Variants in SMARCA2 observed in about 807,000 individuals in gnomAD.
SMARCA2 encodes the protein SWI/SNF-related matrix-associated actin-dependent regulator of chromatin subfamily A member 2.
SMARCA2 carries 61 observed loss-of-function variants against 199.8 expected under a neutral mutation model. The observed-to-expected ratio is 0.31, with a 90% CI of 0.25 to 0.38. The LOEUF is 0.38. Ranked by LOEUF, SMARCA2 falls within the 10% of genes least tolerant of loss-of-function variation. SMARCA2 has a pLI of 1.00. For synonymous variants in SMARCA2, 935 were observed against 732.0 expected (o/e 1.28, Z -4.48); for missense variants, 1,344 against 2,012.2 (o/e 0.67, Z 6.35).
At chr9:2,029,633 G>C (rs1325638395) in intron 2 of SMARCA2, among the ~76,000 whole-genome samples, 1 of 152,094 alleles carries the variant, frequency 6.6e-6, no homozygotes, top group Non-Finnish European at 1.5e-5. Flanking sequence ...TCCTAAAAAG[G>C]CTGACATTTA....
chr9:2,128,445 T>G (rs1460348141), intron 27 of SMARCA2, among the ~76,000 whole-genome samples: 1 of 152,138 alleles, frequency 6.6e-6, no homozygotes, highest in African/African-American at 2.4e-5. Context: ...TGTGTTCTGT[T>G]TGGAAGTCTG....
chr9:2,187,180 AGTTT>A (rs547549894), intron 32 of SMARCA2, among the ~76,000 whole-genome samples: 195 of 151,986 alleles, frequency 1.3e-3, no homozygotes, highest in African/African-American at 3.4e-3. Flanking sequence ...AAATGTTGAT[AGTTT>A]GTTTATCATG....
intron 9 of SMARCA2, 169 bp downstream of exon 9, chr9:2,061,155 C>T: frequency 1.6e-6 from 1 of 611,880 alleles, no homozygotes; most frequent in Non-Finnish European, 2.8e-6. Context: ...ATTAGGTACA[C>T]TAGACAACTA....
intron 9 of SMARCA2, among the ~76,000 whole-genome samples, chr9:2,066,624 G>A (rs1820847950): frequency 6.6e-6 from 1 of 152,114 alleles, no homozygotes; most frequent in African/African-American, 2.4e-5. Flanking sequence ...AGCATAATTA[G>A]TTCTAAACTC....
intron 27 of SMARCA2, among the ~76,000 whole-genome samples, chr9:2,130,961 G>A (rs1316088617): frequency 6.6e-6 from 1 of 152,192 alleles, no homozygotes; most frequent in African/African-American, 2.4e-5. Context: ...GCAAAATTGG[G>A]GTGATTGCAG....
At chr9:2,160,851 T>A in intron 27 of SMARCA2, 1 of 390,516 alleles carries the variant, frequency 2.6e-6, no homozygotes, top group Non-Finnish European at 4.6e-6. Context: ...TTCCCCTTTA[T>A]TTTTCTTCTT....
chr9:2,123,633 G>A lies in SMARCA2; in HGVS notation c.3763-86G>A, dbSNP rs1823560164. The A allele has an allele frequency of 1.7e-6, 2 of 1,172,420 alleles. No homozygotes were observed. Among genetic ancestry groups the A allele is most frequent in the Non-Finnish European group, 2.5e-6 (2 of 794,182 alleles). The allele number at this position is 1,172,420 out of a possible 1,614,324, so 72.6% of individuals were successfully genotyped here. On this transcript the variant is annotated intron_variant, in intron 26 of 33. Transcript: ENST00000349721. This position sits in a 1 kb window ranked among gnomAD's most constrained non-coding sequence, Gnocchi z 4.1. Reference sequence around the variant, plus strand: ...GAAAGGGACCCTGCAGCCATAGGAAGTGACTTGGGGAAGTTGTGTAGTGCT... The same window carrying A: ...GAAAGGGACCCTGCAGCCATAGGAAATGACTTGGGGAAGTTGTGTAGTGCT...
chr9:2,041,016 C>G (rs754218435), intron 4 of SMARCA2: 4 of 216,398 alleles, frequency 1.8e-5, no homozygotes, highest in Non-Finnish European at 2.7e-5. Flanking sequence ...TGAGTGGTTT[C>G]CATTCATTTA....
intron 4 of SMARCA2, chr9:2,042,195 T>A (rs576144704): frequency 6.6e-6 from 1 of 152,332 alleles, no homozygotes; most frequent in East Asian, 1.9e-4. Context: ...AATCTTTATA[T>A]CCCATGTCTC....
chr9:2,074,326 T>G (rs1821224904), intron 12 of SMARCA2, among the ~76,000 whole-genome samples: 1 of 152,192 alleles, frequency 6.6e-6, no homozygotes, highest in Admixed American at 6.5e-5. Context: ...GAAGATTTGC[T>G]CTCCTTTATT....
Position 2,094,953 on chromosome 9 carries a change from T to C in SMARCA2, c.2884-1704T>C, listed in dbSNP as rs117633903. 1.7e-4 allele frequency among the ~76,000 whole-genome samples: 26 copies of C among 152,342 alleles called. No homozygotes were observed. In the East Asian group the frequency reaches 5.0e-3, roughly 29 times the overall value. On this transcript the variant is annotated intron_variant, in intron 19 of 33. Transcript: ENST00000349721. ...AAAAAGTAGAAGCCTGGGGTAATCA[T>C]TTCACAATGTTTATGTATATCAAAA... is the stretch of plus-strand genomic sequence containing the variant.
intron 27 of SMARCA2, chr9:2,160,112 C>A: frequency 1.6e-6 from 1 of 616,304 alleles, no homozygotes. Context: ...ATATGCGGGA[C>A]AATTTCCTTT....
chr9:2,064,343 A>G (rs1820733859), intron 9 of SMARCA2, among the ~76,000 whole-genome samples: 1 of 152,230 alleles, frequency 6.6e-6, no homozygotes, highest in South Asian at 2.1e-4. Flanking sequence ...ATGATCTGTA[A>G]GAAGGCAATA....
At chr9:2,128,111 T>C (rs1053656981) in intron 27 of SMARCA2, among the ~76,000 whole-genome samples, 1 of 152,164 alleles carries the variant, frequency 6.6e-6, no homozygotes, top group African/African-American at 2.4e-5. Flanking sequence ...TGTTTCTCTC[T>C]TCCCCGGGGG....
Position 2,039,349 on chromosome 9 carries a change from G to A in SMARCA2, c.356-117G>A, listed in dbSNP as rs1819475612. 57 of 873,082 alleles carry A rather than the reference G, an allele frequency of 6.5e-5. No individual in the cohort carries two copies. The South Asian group carries it at 7.2e-4, about 11-fold the overall frequency. The allele number at this position is 873,082 out of a possible 1,614,324, so 54.1% of individuals were successfully genotyped here. A position where few individuals can be genotyped will look rare whatever the true frequency, so the allele number is the denominator to read the frequency against. Reference sequence around the variant, plus strand: ...ACTCCATATAATTAATAAATGATATGTCATTCAAATTTCTGTCAGACAGTG... The same window carrying A: ...ACTCCATATAATTAATAAATGATATATCATTCAAATTTCTGTCAGACAGTG... On this transcript the variant is annotated intron_variant, in intron 3 of 33. Transcript: ENST00000349721. This position sits in a 1 kb window ranked among gnomAD's most constrained non-coding sequence, Gnocchi z 4.8.
At chr9:2,103,673 A>T (rs1053897555) in intron 22 of SMARCA2, among the ~76,000 whole-genome samples, 6 of 151,778 alleles carry the variant, frequency 4.0e-5, no homozygotes. Context: ...AGAGAGAGAG[A>T]GAGAGAGAGA....
chr9:2,191,032 C>T (rs1827843990), intron 32 of SMARCA2, among the ~76,000 whole-genome samples: 1 of 152,180 alleles, frequency 6.6e-6, no homozygotes, highest in African/African-American at 2.4e-5. Context: ...AGACCTCGGT[C>T]CCTCTTGTTG....
At chr9:2,130,657 G>C (rs1401369580) in intron 27 of SMARCA2, among the ~76,000 whole-genome samples, 1 of 152,000 alleles carries the variant, frequency 6.6e-6, no homozygotes, top group African/African-American at 2.4e-5. Flanking sequence ...CTATATTACA[G>C]ATTACATATA....
At chr9:2,176,317 A>G (rs1826601327) in intron 29 of SMARCA2, among the ~76,000 whole-genome samples, 1 of 144,756 alleles carries the variant, frequency 6.9e-6, no homozygotes. Context: ...TGAATTATTT[A>G]TTTTAAGTAA....
Sources: allele counts gnomAD v4.1 joint callset (sites outside exome capture counted in the v4.1 genomes callset), GRCh38; gene constraint gnomAD v4.1.1; non-coding constraint Gnocchi (gnomAD v3.1); transcripts MANE v1.5; gene names NCBI Gene and HGNC (gene_info 2026-07-23, HGNC 2026-07-21).